Variants in KIF13A observed in about 807,000 individuals in gnomAD.
KIF13A encodes kinesin family member 13A.
A neutral mutation model predicts 212.2 loss-of-function variants in KIF13A; 79 were observed. That is an observed-to-expected ratio of 0.37 (90% confidence interval 0.31 to 0.45). The LOEUF is 0.45. Ranked by LOEUF, KIF13A falls within the 20% of genes least tolerant of loss-of-function variation. KIF13A has a pLI of 1.00. For missense variants in KIF13A, 1,901 were observed against 2,209.0 expected, an observed-to-expected ratio of 0.86 and a Z score of 2.79; for synonymous variants, 789 against 808.6, an observed-to-expected ratio of 0.98 and a Z score of 0.41.
chr6:17,872,254 T>C lies in KIF13A; in HGVS notation c.220+1123A>G, dbSNP rs1332635180. Among the ~76,000 whole-genome samples, 1 of 152,222 alleles carries C rather than the reference T, an allele frequency of 6.6e-6. No individual in the cohort carries two copies. The highest frequency in any genetic ancestry group is 1.5e-5 in the Non-Finnish European group (1 of 68,042). ...GAAAAACCTATCAATAAACAAAACA[T>C]TAATTTTCTTTAAACTAGTCATGTG... On this transcript the variant is annotated intron_variant, in intron 4 of 38. Coordinates refer to ENST00000259711, the MANE Select transcript of KIF13A (RefSeq NM_022113.6). The surrounding 1 kb of genome is among the most constrained non-coding windows in gnomAD (Gnocchi z 4.7).
At chr6:17,819,476 T>C (rs1764244762) in intron 16 of KIF13A, among the ~76,000 whole-genome samples, 2 of 151,888 alleles carry the variant, frequency 1.3e-5, no homozygotes, top group South Asian at 2.1e-4. Flanking sequence ...GGCAGGAGAA[T>C]TGCTTGAACC....
intron 2 of KIF13A, among the ~76,000 whole-genome samples, chr6:17,957,944 C>T (rs1332418806): frequency 6.6e-6 from 1 of 151,852 alleles, no homozygotes; most frequent in Non-Finnish European, 1.5e-5. Flanking sequence ...TTTTTCAAAA[C>T]ACTTTAAAAG....
chr6:17,949,670 A>C (rs1777697064), intron 2 of KIF13A, among the ~76,000 whole-genome samples: 1 of 152,074 alleles, frequency 6.6e-6, no homozygotes. Flanking sequence ...ATGAAGTCTC[A>C]CTCTTAGAAA....
At position 17,925,863 on chromosome 6, in the gene KIF13A, A is replaced by G. The variant is rs542234993; in HGVS notation, c.147-27683T>C. On this transcript the variant is annotated intron_variant, in intron 2 of 38. Transcript: ENST00000259711. ...AAAATGTCAGTTAGCTCTGGAAATT[A>G]GTTATTAATGAAGAGGATACTTGGC... Among the ~76,000 whole-genome samples the G allele has an allele frequency of 2.0e-3, 309 of 152,364 alleles. 1 individual carries two copies. The highest frequency in any genetic ancestry group is 7.1e-3 in the African/African-American group (296 of 41,580).
chr6:17,821,812 T>A, intron 16 of KIF13A: 4 of 1,535,352 alleles, frequency 2.6e-6, no homozygotes, highest in Non-Finnish European at 3.5e-6. Flanking sequence ...GTGGAGGAGC[T>A]TCGTCTGAAA....
At position 17,943,538 on chromosome 6, in the gene KIF13A, G is replaced by A. The variant is rs1023587005; in HGVS notation, c.146+43516C>T. 7.9e-5 allele frequency among the ~76,000 whole-genome samples: 12 copies of A among 151,454 alleles called. 1 individual carries two copies. In the South Asian group the frequency reaches 8.3e-4, roughly 11 times the overall value. ...GCTGGGATTACAGGTGTGAACCACC[G>A]CACCCAGCCAAGTTTCTGATATAAC... On this transcript the variant is annotated intron_variant, in intron 2 of 38. Transcript: ENST00000259711.
Position 17,898,345 on chromosome 6 carries a change from T to C in KIF13A, c.147-165A>G, listed in dbSNP as rs1167261921. ...TCTTCATGAAGATCAGAAGCCAAATTCAAACACATTACTGAATGAAGTGAT... is the reference window on the plus strand; with the variant it reads ...TCTTCATGAAGATCAGAAGCCAAATCCAAACACATTACTGAATGAAGTGAT... On this transcript the variant is annotated intron_variant, in intron 2 of 38. Transcript: ENST00000259711. This position sits in a 1 kb window ranked among gnomAD's most constrained non-coding sequence, Gnocchi z 5.2. Among the ~76,000 whole-genome samples, 1 of 152,130 alleles carries C rather than the reference T, an allele frequency of 6.6e-6. No homozygotes were observed. The highest frequency in any genetic ancestry group is 1.5e-5 in the Non-Finnish European group (1 of 68,030).
intron 2 of KIF13A, among the ~76,000 whole-genome samples, chr6:17,935,921 T>C (rs1776418984): frequency 6.6e-6 from 1 of 152,188 alleles, no homozygotes; most frequent in Admixed American, 6.5e-5. Context: ...TTTCCTCTCT[T>C]TAAACTATAG....
At chr6:17,868,742 C>T (rs1769666851) in intron 4 of KIF13A, among the ~76,000 whole-genome samples, 1 of 151,674 alleles carries the variant, frequency 6.6e-6, no homozygotes, top group South Asian at 2.1e-4. Context: ...GTCGCTCATG[C>T]CTGTAATCTC....
chr6:17,879,281 T>C (rs1770848167), intron 3 of KIF13A, among the ~76,000 whole-genome samples: 1 of 152,174 alleles, frequency 6.6e-6, no homozygotes, highest in African/African-American at 2.4e-5. Flanking sequence ...CTATGTTCCA[T>C]GCACCCCATA....
In KIF13A at chr6:17,831,088, T is replaced by C. The variant is rs1765407536; in HGVS notation, c.1401+13A>G. ...TGAATCTTGATTGCATATGTATTTA[T>C]ATGTTCTCCTACCTTTAAATAATAA... On this transcript the variant is annotated intron_variant, in intron 13 of 38. Coordinates refer to ENST00000259711, the MANE Select transcript of KIF13A (RefSeq NM_022113.6). The C allele has an allele frequency of 1.9e-6, 3 of 1,606,518 alleles. No homozygotes were observed. Among genetic ancestry groups the C allele is most frequent in the Non-Finnish European group, 2.6e-6 (3 of 1,176,448 alleles).
intron 3 of KIF13A, among the ~76,000 whole-genome samples, chr6:17,878,431 C>CTTTTTT (rs536813179): frequency 1.4e-5 from 2 of 139,864 alleles, no homozygotes; most frequent in African/African-American, 5.3e-5. Flanking sequence ...CTACCTCTAA[C>CTTTTTT]TTTTTTTTTT....
chr6:17,935,933 T>G (rs1776420183), intron 2 of KIF13A, among the ~76,000 whole-genome samples: 2 of 152,300 alleles, frequency 1.3e-5, no homozygotes, highest in South Asian at 4.1e-4. Context: ...AAACTATAGC[T>G]CCTTTCATCT....
At chr6:17,884,114 C>T (rs1771329173) in intron 3 of KIF13A, among the ~76,000 whole-genome samples, 1 of 152,150 alleles carries the variant, frequency 6.6e-6, no homozygotes, top group Non-Finnish European at 1.5e-5. Context: ...GTCACCTCCT[C>T]CAATGTTTTC....
chr6:17,914,385 TA>T lies in KIF13A; in HGVS notation c.147-16206del, dbSNP rs990674721. 1.1e-4 allele frequency among the ~76,000 whole-genome samples: 17 copies of T among 151,992 alleles called. No individual in the cohort carries two copies. Among genetic ancestry groups the T allele is most frequent in the Middle Eastern group, 3.4e-3 (1 of 292 alleles). The stretch of plus-strand genomic sequence containing the variant: ...TATGCAATCAACCAGTTAATATAAT[TA>T]AAAAAAATTACAATAAAATACAAAA... On this transcript the variant is annotated intron_variant, in intron 2 of 38. Transcript: ENST00000259711. The surrounding 1 kb of genome is among the most constrained non-coding windows in gnomAD (Gnocchi z 5.9).
intron 2 of KIF13A, chr6:17,950,685 AAAT>A: frequency 1.0e-6 from 1 of 985,002 alleles, no homozygotes; most frequent in Non-Finnish European, 1.2e-6. Flanking sequence ...AAGAGTCCTC[AAAT>A]ACACTTTTAA....
rs2150292825 is a variant in KIF13A at position 17,771,840 on chromosome 6, A to G, written c.4476+68T>C. On this transcript the variant is annotated intron_variant, in intron 37 of 38. Transcript: ENST00000259711. The surrounding 1 kb of genome is among the most constrained non-coding windows in gnomAD (Gnocchi z 5.4). ...CATGCAGCACTCAGCTTGTTAATGC[A>G]CACTGCTGCTTCACAGGTGACACAA... 6.7e-7 allele frequency: 1 copy of G among 1,489,932 alleles called. No homozygotes were observed. The highest frequency in any genetic ancestry group is 2.3e-5 in the East Asian group (1 of 44,056). 92.3% of individuals were successfully genotyped at this position (1,489,932 alleles called of 1,614,324 possible).
At chr6:17,808,335 G>A (rs1763154297) in intron 18 of KIF13A, among the ~76,000 whole-genome samples, 7 of 152,148 alleles carry the variant, frequency 4.6e-5, no homozygotes, top group Admixed American at 3.9e-4. Context: ...GCAGTGAGCT[G>A]AGATCATGCC....
At chr6:17,836,133 C>T (rs1348115613) in intron 11 of KIF13A, among the ~76,000 whole-genome samples, 2 of 152,110 alleles carry the variant, frequency 1.3e-5, no homozygotes, top group African/African-American at 4.8e-5. Flanking sequence ...TCAGTAAAGC[C>T]AAAGAAAGAA....
Sources: gnomAD v4.1 joint callset for allele counts (sites outside exome capture counted in the v4.1 genomes callset) on GRCh38, gnomAD v4.1.1 for gene constraint, Gnocchi (gnomAD v3.1) non-coding constraint, MANE v1.5 for transcripts, NCBI Gene and HGNC (gene_info 2026-07-23, HGNC 2026-07-21) for gene names.